The following CEP295 variants were observed in gnomAD, a reference collection of about 807,000 sequenced individuals.
CEP295 encodes centrosomal protein of 295 kDa.
CEP295 carries 190 observed loss-of-function variants against 291.6 expected under a neutral mutation model. The ratio of observed to expected loss-of-function variants is 0.65; its 90% confidence interval spans 0.58 to 0.73. The LOEUF (loss-of-function observed/expected upper bound fraction) is 0.73, where lower values mean the gene tolerates loss of function less well. Ranked by LOEUF, CEP295 falls within the 30% of genes least tolerant of loss-of-function variation. The pLI, the probability that CEP295 is intolerant of heterozygous loss-of-function variation, is 0.00. For synonymous variants in CEP295, 993 were observed against 1,038.8 expected, an observed-to-expected ratio of 0.96 and a Z score of 0.85; for missense variants, 2,863 against 2,949.4, an observed-to-expected ratio of 0.97 and a Z score of 0.68.
At position 93,724,311 on chromosome 11, in the gene CEP295, A is replaced by G. The variant is rs1302802020; in HGVS notation, c.6254A>G (p.His2085Arg). 1 of 1,550,438 alleles carries G rather than the reference A, an allele frequency of 6.4e-7. No individual in the cohort carries two copies. The highest frequency in any genetic ancestry group is 2.0e-5 in the Admixed American group (1 of 50,998). Residue 2085 changes from histidine (H) to arginine (R), a missense_variant, in exon 22 of 30, where the codon CAT becomes CGT. His to Arg is a conservative substitution (Grantham distance 29, BLOSUM62 0). Around this residue, in one of 3 missense-constraint regions of CEP295, gnomAD observed 2,295 missense variants for 2,335.7 expected, o/e 0.98. Coordinates refer to ENST00000325212, the MANE Select transcript of CEP295 (RefSeq NM_033395.2). Reference protein sequence around the residue: ...HHQLFKPLEPHPDFDLSSSSS... With the variant: ...HHQLFKPLEPRPDFDLSSSSS... ...CAGCTGTTTAAACCCTTAGAACCAC[A>G]TCCAGATTTTGACTTATCATCATCA...
chr11:93,728,705 A>C lies in CEP295; in HGVS notation c.7186A>C (p.Met2396Leu). ...GGAAACAGAAACTGGCCATGGTATA[A>C]TGGAAGAACCAGAACTTACTTTAAT... is the stretch of plus-strand genomic sequence containing the variant. ...VWETETGHGI[M>L]EEPELTLIST... is the part of the protein sequence containing the mutation. The change falls in exon 25 of 30, where the codon ATG becomes CTG. Residue 2396 changes from methionine to leucine, a missense_variant. This residue lies in a region of CEP295 where 2,295 missense variants were observed against 2,335.7 expected (regional missense o/e 0.98). Coordinates refer to ENST00000325212, the MANE Select transcript of CEP295 (RefSeq NM_033395.2). 1.3e-6 allele frequency: 2 copies of C among 1,545,344 alleles called. No homozygotes were observed. The highest frequency in any genetic ancestry group is 1.7e-6 in the Non-Finnish European group (2 of 1,145,366).
chr11:93,715,409 G>A (rs1307600929), intron 18 of CEP295, among the ~76,000 whole-genome samples: 2 of 151,984 alleles, frequency 1.3e-5, no homozygotes, highest in Non-Finnish European at 2.9e-5. Flanking sequence ...ACCCAGGGTA[G>A]GTTCAGAGAT....
At chr11:93,707,597 A>G (rs1952593693) in intron 18 of CEP295, among the ~76,000 whole-genome samples, 1 of 152,066 alleles carries the variant, frequency 6.6e-6, no homozygotes, top group East Asian at 1.9e-4. Context: ...TGTCTATACT[A>G]AAAATACAAA....
At chr11:93,689,674 T>C (rs375886836) in intron 10 of CEP295, among the ~76,000 whole-genome samples, 3 of 152,076 alleles carry the variant, frequency 2.0e-5, no homozygotes, top group Admixed American at 2.0e-4. Flanking sequence ...ATAGCTCTTA[T>C]CAATATCTGA....
chr11:93,716,846 TGGTGCCTA>T (rs1953289210), intron 18 of CEP295, among the ~76,000 whole-genome samples: 2 of 152,256 alleles, frequency 1.3e-5, no homozygotes, highest in African/African-American at 4.8e-5. Flanking sequence ...ACCTTCACTA[TGGTGCCTA>T]GGCAGCTGTA....
intron 20 of CEP295, among the ~76,000 whole-genome samples, chr11:93,722,297 C>CA (rs1009042888): frequency 2.6e-5 from 4 of 151,664 alleles, no homozygotes; most frequent in African/African-American, 4.8e-5. Context: ...CCTATCTCTA[C>CA]AAAAAAATAC....
At position 93,698,018 on chromosome 11, in the gene CEP295, A is replaced by G. The variant is rs1056433966; in HGVS notation, c.3106A>G (p.Ile1036Val). ...AGGACTTGTTTCATGCCAATCTGAC[A>G]TCCCCATATCTCAGGATGGGTCTTT... ...EKGLVSCQSD[I>V]PISQDGSLSF... Residue 1036 changes from isoleucine (I) to valine (V), a missense_variant, in exon 15 of 30, where the codon ATC becomes GTC. Transcript: ENST00000325212. The G allele has an allele frequency of 1.2e-5, 19 of 1,551,650 alleles. No homozygotes were observed. The African/African-American group carries it at 1.9e-4, about 16-fold the overall frequency.
chr11:93,703,227 G>A (rs890413074), intron 17 of CEP295, among the ~76,000 whole-genome samples: 1 of 151,920 alleles, frequency 6.6e-6, no homozygotes, highest in African/African-American at 2.4e-5. Context: ...GCCTCCCGAC[G>A]TGCTAGGATT....
chr11:93,700,149 A>G lies in CEP295; in HGVS notation c.5237A>G (p.His1746Arg). The change falls in exon 15 of 30, where the codon CAT becomes CGT. Residue 1746 changes from histidine (H) to arginine (R), a missense_variant. Around this residue, in one of 3 missense-constraint regions of CEP295, gnomAD observed 2,295 missense variants for 2,335.7 expected, o/e 0.98. Transcript: ENST00000325212. ...GCATTGCAGCAGCAGATACAGAAAC[A>G]TGAAGAGACTTTGAAGGATTTCTTT... ...QTALQQQIQKHEETLKDFFKD... is the reference protein window; with the variant it reads ...QTALQQQIQKREETLKDFFKD... The G allele has an allele frequency of 1.9e-6, 3 of 1,550,474 alleles. No individual in the cohort carries two copies. Among genetic ancestry groups the G allele is most frequent in the Non-Finnish European group, 1.7e-6 (2 of 1,146,696 alleles).
intron 20 of CEP295, 94 bp downstream of exon 20, chr11:93,722,144 A>G (rs147108501): frequency 1.4e-6 from 1 of 739,328 alleles, no homozygotes; most frequent in African/African-American, 1.8e-5. Flanking sequence ...TTTTCATGAT[A>G]CACCATGGGG....
At chr11:93,721,665 G>GGTGTGTGTGTGTGTGT (rs59894789) in intron 19 of CEP295, 2 of 570,576 alleles carry the variant, frequency 3.5e-6, no homozygotes, top group Non-Finnish European at 6.5e-6. Context: ...GCATATGTCT[G>GGTGTGTGTGTGTGTGT]GTGTGTGTGT....
rs1951084255 is a variant in CEP295 at position 93,683,685 on chromosome 11, G to A, written c.892G>A (p.Glu298Lys). The A allele has an allele frequency of 2.6e-6, 4 of 1,548,954 alleles. No individual in the cohort carries two copies. The highest frequency in any genetic ancestry group is 1.7e-4 in the Middle Eastern group (1 of 6,006). Reference sequence around the variant, plus strand: ...TCCATACAAACGCAGTGAAATGAAAGAAGACTGGCAGAGAGAATTGGAATT... The same window carrying A: ...TCCATACAAACGCAGTGAAATGAAAAAAGACTGGCAGAGAGAATTGGAATT... Reference protein sequence around the residue: ...ELPYKRSEMKEDWQRELEFAF... With the variant: ...ELPYKRSEMKKDWQRELEFAF... The change falls in exon 8 of 30, where the codon GAA becomes AAA. Residue 298 changes from glutamate to lysine, a missense_variant. Glu to Lys is a moderately conservative substitution (Grantham distance 56). Around this residue, in one of 3 missense-constraint regions of CEP295, gnomAD observed 554 missense variants for 576.0 expected, o/e 0.96. Transcript: ENST00000325212.
intron 21 of CEP295, chr11:93,723,893 C>G (rs1953945141): frequency 1.2e-5 from 2 of 161,640 alleles, no homozygotes; most frequent in African/African-American, 2.4e-5. Context: ...GAGGCTGAGG[C>G]AGGAGGATTG....
chr11:93,661,894 C>G (rs1463668303), intron 1 of CEP295, 120 bp downstream of exon 1: 1 of 152,776 alleles, frequency 6.5e-6, no homozygotes, highest in Non-Finnish European at 1.5e-5. Context: ...GTTGCGAACG[C>G]AGGTACGGCT....
intron 18 of CEP295, among the ~76,000 whole-genome samples, chr11:93,719,354 A>T (rs937307839): frequency 2.6e-5 from 4 of 151,692 alleles, no homozygotes; most frequent in Non-Finnish European, 5.9e-5. Flanking sequence ...TCACAATCCA[A>T]AATCCTGGGC....
Position 93,700,101 on chromosome 11 carries a change from A to T in CEP295, c.5189A>T (p.Lys1730Ile). 2 of 1,551,748 alleles carry T rather than the reference A, an allele frequency of 1.3e-6. No homozygotes were observed. The highest frequency in any genetic ancestry group is 1.7e-6 in the Non-Finnish European group (2 of 1,146,976). Reference protein sequence around the residue: ...VLHYSQKAQEKLLVQRQTALQ... With the variant: ...VLHYSQKAQEILLVQRQTALQ... ...CATTATAGCCAGAAAGCCCAGGAAA[A>T]ATTGCTTGTACAGAGACAAACAGCA... is the stretch of plus-strand genomic sequence containing the variant. The change falls in exon 15 of 30, where the codon AAA becomes ATA. Residue 1730 changes from lysine (K) to isoleucine (I), a missense_variant. Around this residue, in one of 3 missense-constraint regions of CEP295, gnomAD observed 2,295 missense variants for 2,335.7 expected, o/e 0.98. Coordinates refer to ENST00000325212, the MANE Select transcript of CEP295 (RefSeq NM_033395.2).
chr11:93,679,788 A>G (rs984140015), intron 7 of CEP295, among the ~76,000 whole-genome samples: 16 of 152,212 alleles, frequency 1.1e-4, no homozygotes, highest in Admixed American at 3.9e-4. Flanking sequence ...AATTTATTAA[A>G]AGTTTAATAT....
Position 93,727,787 on chromosome 11 carries a change from G to A in CEP295, c.7161+150G>A, listed in dbSNP as rs542028396. ...AAGGGATCCTCCTGCCTCAACTTCC[G>A]AAGTAGTTTGGACACACCACAATGC... On this transcript the variant is annotated intron_variant, in intron 24 of 29. Coordinates refer to ENST00000325212, the MANE Select transcript of CEP295 (RefSeq NM_033395.2). 1.2e-4 allele frequency: 77 copies of A among 647,382 alleles called. 1 individual carries two copies. In the South Asian group the frequency reaches 1.4e-3, roughly 12 times the overall value. The allele number at this position is 647,382 out of a possible 1,614,324, so 40.1% of individuals were successfully genotyped here.
At chr11:93,716,479 G>T (rs1159896994) in intron 18 of CEP295, among the ~76,000 whole-genome samples, 1 of 152,220 alleles carries the variant, frequency 6.6e-6, no homozygotes, top group Admixed American at 6.5e-5. Flanking sequence ...TCGTATGAAG[G>T]TACTTTTTTA....
Sources: gnomAD v4.1 joint callset for allele counts (sites outside exome capture counted in the v4.1 genomes callset) on GRCh38, gnomAD v4.1.1 for gene constraint, gnomAD v4.1.1 regional missense constraint, MANE v1.5 for transcripts, NCBI Gene and HGNC (gene_info 2026-07-23, HGNC 2026-07-21) for gene names.